VEGFD: variants seen among roughly 807,000 people sequenced by gnomAD.
VEGFD encodes the protein c-fos induced growth factor (vascular endothelial growth factor D).
In VEGFD, 26 loss-of-function variants were observed where a neutral mutation model predicts 28.0. The observed-to-expected ratio is 0.93, with a 90% CI of 0.68 to 1.29. VEGFD has a LOEUF of 1.29. Ranked by LOEUF, VEGFD falls within the 50% of genes most tolerant of loss-of-function variation. The pLI, the probability that VEGFD is intolerant of heterozygous loss-of-function variation, is 0.00. For synonymous variants in VEGFD, 93 were observed against 95.5 expected (o/e 0.97, Z 0.15); for missense variants, 294 against 273.4 (o/e 1.08, Z -0.53).
Position 15,358,028 on chromosome X carries a change from G to T in VEGFD, c.467C>A (p.Thr156Asn). The T allele has an allele frequency of 8.3e-7, 1 of 1,211,396 alleles. No individual in the cohort carries two copies. Among genetic ancestry groups the T allele is most frequent in the South Asian group, 1.8e-5 (1 of 56,928 alleles). Reference sequence around the variant, plus strand: ...CTGTTTGGAAATGTACGAGGTGCTGGTGTTCATACAGATAAGGCTCTCTTC... The same window carrying T: ...CTGTTTGGAAATGTACGAGGTGCTGTTGTTCATACAGATAAGGCTCTCTTC... ...CNEESLICMN[T>N]STSYISKQLF... Residue 156 changes from threonine to asparagine, a missense_variant, in exon 3 of 7, where the codon ACC (threonine) becomes AAC (asparagine). Physicochemically the swap from Thr to Asn is moderately conservative, Grantham distance 65. Transcript: ENST00000297904.
Position 15,355,152 on chromosome X carries a change from ATCT to A in VEGFD, c.636_638del (p.Glu212del), listed in dbSNP as rs776058089. On this transcript the variant is annotated inframe_deletion, in exon 4 of 7. Transcript: ENST00000297904. ...AAAAAAAAAACAAAAGTGCTTACCG[ATCT>A]TCTTCAGGGATCTGGATGGATCTTC... 2.1e-3 allele frequency: 2,474 copies of A among 1,164,295 alleles called. 23 individuals carry two copies. The African/African-American group carries it at 0.036, about 17-fold the overall frequency.
intron 1 of VEGFD, among the ~76,000 whole-genome samples, chrX:15,368,780 G>T (rs1003655687): frequency 1.8e-5 from 2 of 112,042 alleles, no homozygotes; most frequent in Admixed American, 9.5e-5. Flanking sequence ...TAATTAAAAG[G>T]TTTTCATCAA....
At chrX:15,366,988 G>A in intron 1 of VEGFD, among the ~76,000 whole-genome samples, 1 of 112,402 alleles carries the variant, frequency 8.9e-6, no homozygotes, top group Admixed American at 9.4e-5. Context: ...TGGGAATCCA[G>A]ATGTGAGTGT....
chrX:15,369,431 G>A (rs1463756383), intron 1 of VEGFD, among the ~76,000 whole-genome samples: 3 of 111,077 alleles, frequency 2.7e-5, no homozygotes, highest in Non-Finnish European at 5.7e-5. Flanking sequence ...AATAAGTTAG[G>A]AAGAGGGGCT....
In VEGFD at chrX:15,355,283, C is replaced by T; in HGVS notation, c.508G>A (p.Val170Met). 1 of 1,190,814 alleles carries T rather than the reference C, an allele frequency of 8.4e-7. No individual in the cohort carries two copies. The highest frequency in any genetic ancestry group is 1.1e-6 in the Non-Finnish European group (1 of 886,961). ...AATTCAGGTACTGATGTCAAAGGCACTGATATCTCAAAGAGCTACAGCAGA... is the reference window on the plus strand; with the variant it reads ...AATTCAGGTACTGATGTCAAAGGCATTGATATCTCAAAGAGCTACAGCAGA... Reference protein sequence around the residue: ...YISKQLFEISVPLTSVPELVP... With the variant: ...YISKQLFEISMPLTSVPELVP... The change falls in exon 4 of 7, where the codon GTG becomes ATG. Residue 170 changes from valine to methionine, a missense_variant. Physicochemically the swap from Val to Met is conservative, Grantham distance 21. Coordinates refer to ENST00000297904, the MANE Select transcript of VEGFD (RefSeq NM_004469.5).
chrX:15,369,430 G>A (rs1923255165), intron 1 of VEGFD, among the ~76,000 whole-genome samples: 1 of 111,027 alleles, frequency 9.0e-6, no homozygotes, highest in Non-Finnish European at 1.9e-5. Flanking sequence ...AAATAAGTTA[G>A]GAAGAGGGGC....
rs192846858 is a variant in VEGFD, at chrX:15,346,460, T to C, written c.939-201A>G. 4.1e-3 allele frequency among the ~76,000 whole-genome samples: 456 copies of C among 111,897 alleles called. 3 individuals carry two copies. The highest frequency in any genetic ancestry group is 0.014 in the African/African-American group (432 of 30,805). On this transcript the variant is annotated intron_variant, in intron 6 of 6. Coordinates refer to ENST00000297904, the MANE Select transcript of VEGFD (RefSeq NM_004469.5). ...GTGTTCTATTCATGAATAAATTACT[T>C]GCTATATAAATCCAATGATATTCCC...
At chrX:15,368,424 G>T (rs764349865) in intron 1 of VEGFD, among the ~76,000 whole-genome samples, 1 of 112,394 alleles carries the variant, frequency 8.9e-6, no homozygotes, top group Admixed American at 9.4e-5. Flanking sequence ...TTAAAACCTA[G>T]TTTGAAATAA....
intron 1 of VEGFD, among the ~76,000 whole-genome samples, chrX:15,380,493 G>C (rs1388652365): frequency 1.8e-5 from 2 of 112,499 alleles, no homozygotes; most frequent in Non-Finnish European, 3.8e-5. Flanking sequence ...TTAAGAAAGA[G>C]GGTGGATAAA....
At chrX:15,368,152 G>GAGAA (rs1308644017) in intron 1 of VEGFD, among the ~76,000 whole-genome samples, 2 of 108,484 alleles carry the variant, frequency 1.8e-5, no homozygotes, top group South Asian at 4.0e-4. Context: ...AGGAGAGAAA[G>GAGAA]AGAAAGAAAG....
chrX:15,345,880 A>T lies in VEGFD; in HGVS notation c.*253T>A. ...TTCTCATTCACCAAAAAACAAAAAC[A>T]AAACTAAACAAAAGGATTACATGGG... On this transcript the variant is annotated 3_prime_UTR_variant, in exon 7 of 7. Transcript: ENST00000297904. 3.1e-6 allele frequency: 1 copy of T among 321,715 alleles called. No individual in the cohort carries two copies. The highest frequency in any genetic ancestry group is 5.2e-5 in the East Asian group (1 of 19,362). The allele number at this position is 321,715 out of a possible 1,213,427, so 26.5% of individuals were successfully genotyped here.
Position 15,368,045 on chromosome X carries a change from A to AGAAAGAAAG in VEGFD, c.91-4727_91-4726insCTTTCTTTC, listed in dbSNP as rs1923207882. ...AAGAAAGAAAGGAAAGAAGAAAGAA[A>AGAAAGAAAG]GAAAGAAGAAAGAAAGGAAAGAAAG... On this transcript the variant is annotated intron_variant, in intron 1 of 6. Transcript: ENST00000297904. 5.3e-5 allele frequency among the ~76,000 whole-genome samples: 5 copies of AGAAAGAAAG among 94,967 alleles called. No individual in the cohort carries two copies. The South Asian group carries it at 1.5e-3, about 29-fold the overall frequency. The allele number at this position is 94,967 out of a possible 115,157, so 82.5% of individuals were successfully genotyped here. A position where few individuals can be genotyped will look rare whatever the true frequency, so the allele number is the denominator to read the frequency against.
At chrX:15,374,992 TTCTTTCCTGCC>T (rs1923401846) in intron 1 of VEGFD, among the ~76,000 whole-genome samples, 1 of 111,421 alleles carries the variant, frequency 9.0e-6, no homozygotes. Context: ...CCTCTTTCCT[TTCTTTCCTGCC>T]TCTTTCCTTT....
Position 15,363,323 on chromosome X carries a change from A to G in VEGFD, c.91-4T>C, listed in dbSNP as rs745880538. On this transcript the variant is annotated splice_polypyrimidine_tract_variant and splice_region_variant and intron_variant, in intron 1 of 6. Coordinates refer to ENST00000297904, the MANE Select transcript of VEGFD (RefSeq NM_004469.5). ...CCAATGTGGACTGAGATGATCGCTT[A>G]AAAAAACAAAAATACCAGTTTAAAA... 3.4e-6 allele frequency: 4 copies of G among 1,184,179 alleles called. No homozygotes were observed. The South Asian group carries it at 5.5e-5, about 16-fold the overall frequency.
chrX:15,368,035 G>GAAGA (rs200277470), intron 1 of VEGFD, among the ~76,000 whole-genome samples: 2,325 of 36,655 alleles, frequency 0.063, 105 homozygotes, highest in African/African-American at 0.23. Flanking sequence ...AGAAAGGAAA[G>GAAGA]AAGAAAGAAA....
rs1022784291 is a variant in VEGFD, at chrX:15,346,339, A to T, written c.939-80T>A. ...GAATAACTCTGCTCTGATTTGATTA[A>T]GTTTTCCAGACATGTATTTAAAATG... On this transcript the variant is annotated intron_variant, in intron 6 of 6. Transcript: ENST00000297904. 1.2e-5 allele frequency: 12 copies of T among 1,037,815 alleles called. No individual in the cohort carries two copies. In the African/African-American group the frequency reaches 2.3e-4, roughly 20 times the overall value. 85.5% of individuals were successfully genotyped at this position (1,037,815 alleles called of 1,213,427 possible).
intron 1 of VEGFD, among the ~76,000 whole-genome samples, chrX:15,372,594 A>T (rs35993963): frequency 0.058 from 6,392 of 109,628 alleles, 209 homozygotes; most frequent in South Asian, 0.11. Context: ...AGGATTTTTT[A>T]AAAAAAAACT....
chrX:15,348,375 T>G (rs1279414020), intron 5 of VEGFD, among the ~76,000 whole-genome samples: 1 of 112,468 alleles, frequency 8.9e-6, no homozygotes, highest in African/African-American at 3.2e-5. Flanking sequence ...TCCAACCTAT[T>G]CTTCTTCACA....
chrX:15,383,864 G>C lies in VEGFD; in HGVS notation c.83C>G (p.Pro28Arg). ...AAAATTGAGCTCACCTACCTTCACT[G>C]GTCCATGTTCATTACTGGAGCCCTG... ...LVQGSSNEHG[P>R]VKRSSQSTLE... The change falls in exon 1 of 7, where the codon CCA becomes CGA. Residue 28 changes from proline (P) to arginine (R), a missense_variant. Physicochemically the swap from Pro to Arg is moderately radical, Grantham distance 103. Transcript: ENST00000297904. 8.3e-7 allele frequency: 1 copy of C among 1,205,589 alleles called. No individual in the cohort carries two copies. Among genetic ancestry groups the C allele is most frequent in the Non-Finnish European group, 1.1e-6 (1 of 889,869 alleles).
Sources: gnomAD v4.1 joint callset for allele counts (sites outside exome capture counted in the v4.1 genomes callset) on GRCh38, gnomAD v4.1.1 for gene constraint, MANE v1.5 for transcripts, NCBI Gene and HGNC (gene_info 2026-07-23, HGNC 2026-07-21) for gene names.